The following RILPL1 variants were observed in gnomAD, a reference collection of about 807,000 sequenced individuals.
RILPL1 encodes the protein Rab interacting lysosomal protein like 1.
In RILPL1, 33 loss-of-function variants were observed where a neutral mutation model predicts 50.3. The ratio of observed to expected loss-of-function variants is 0.66; its 90% CI spans 0.50 to 0.88. The LOEUF is 0.88. Among genes scored for constraint, RILPL1 ranks in the 40% least tolerant of loss-of-function variants. The pLI is 0.00. For synonymous variants in RILPL1, 205 were observed against 228.6 expected, an observed-to-expected ratio of 0.90 and a Z score of 0.93; for missense variants, 418 against 542.5, an observed-to-expected ratio of 0.77 and a Z score of 2.28.
At chr12:123,530,759 G>A (rs1885416203) in intron 1 of RILPL1, among the ~76,000 whole-genome samples, 2 of 152,210 alleles carry the variant, frequency 1.3e-5, no homozygotes, top group Admixed American at 1.3e-4. Context: ...CCTGCTGCCT[G>A]ACATGAGACT....
intron 6 of RILPL1, chr12:123,475,473 C>A: frequency 1.7e-6 from 1 of 581,566 alleles, no homozygotes. Flanking sequence ...TCTGAGGCTT[C>A]GCTCGAGTAG....
Position 123,521,610 on chromosome 12 carries a change from CACATAT to C in RILPL1, c.460+1879_460+1884del, listed in dbSNP as rs1885030355. On this transcript the variant is annotated intron_variant, in intron 2 of 6. Transcript: ENST00000376874. ...GTATATATATATTAATATATATACA[CACATAT>C]GTGTATATATATACACACATATGTG... Among the ~76,000 whole-genome samples the C allele has an allele frequency of 2.0e-4, 8 of 39,972 alleles. 1 individual carries two copies. The highest frequency in any genetic ancestry group is 8.9e-4 in the African/African-American group (8 of 8,954). 26.2% of individuals were successfully genotyped at this position (39,972 alleles called of 152,430 possible).
intron 1 of RILPL1, among the ~76,000 whole-genome samples, chr12:123,532,874 G>A (rs910756971): frequency 1.3e-5 from 2 of 152,102 alleles, no homozygotes; most frequent in African/African-American, 4.8e-5. Context: ...ATTACCATTT[G>A]ACAGGTGAGG....
intron 4 of RILPL1, among the ~76,000 whole-genome samples, chr12:123,486,422 G>T (rs986829592): frequency 6.6e-6 from 1 of 152,122 alleles, no homozygotes; most frequent in African/African-American, 2.4e-5. Context: ...TAAGTCACCT[G>T]CCCCAGGTCA....
At chr12:123,499,696 G>A (rs542806875) in intron 2 of RILPL1, among the ~76,000 whole-genome samples, 160 bp from the exon 3 acceptor site, 83 of 152,054 alleles carry the variant, frequency 5.5e-4, no homozygotes, top group African/African-American at 1.9e-3. Flanking sequence ...GCCCTCCCCG[G>A]TGCCTGCTTT....
At chr12:123,476,476 C>T (rs1881599037) in intron 6 of RILPL1, among the ~76,000 whole-genome samples, 1 of 151,186 alleles carries the variant, frequency 6.6e-6, no homozygotes, top group Admixed American at 6.6e-5. Flanking sequence ...AGGGTCCTTA[C>T]AAATGTAACT....
At chr12:123,499,165 G>T (rs1187386450) in intron 3 of RILPL1, among the ~76,000 whole-genome samples, 2 of 152,224 alleles carry the variant, frequency 1.3e-5, no homozygotes, top group African/African-American at 4.8e-5. Context: ...AGCAAAGTCT[G>T]CCCAGGCCTC....
At chr12:123,512,188 GGTCT>G (rs1200338004) in intron 2 of RILPL1, among the ~76,000 whole-genome samples, 1 of 140,938 alleles carries the variant, frequency 7.1e-6, no homozygotes, top group African/African-American at 2.7e-5. Context: ...TGGTGTGTGA[GGTCT>G]GTGTGTGTGG....
intron 1 of RILPL1, among the ~76,000 whole-genome samples, chr12:123,529,297 A>AT (rs888474147): frequency 2.2e-4 from 33 of 149,974 alleles, no homozygotes; most frequent in East Asian, 1.4e-3. Flanking sequence ...TTATAAGCTG[A>AT]TTTTTTTTTT....
In RILPL1 at chr12:123,472,461, A is replaced by C; in HGVS notation, c.*77T>G. The C allele has an allele frequency of 6.7e-7, 1 of 1,494,536 alleles. No individual in the cohort carries two copies. The highest frequency in any genetic ancestry group is 9.1e-7 in the Non-Finnish European group (1 of 1,101,314). The allele number at this position is 1,494,536 out of a possible 1,614,324, so 92.6% of individuals were successfully genotyped here. A position where few individuals can be genotyped will look rare whatever the true frequency, so the allele number is the denominator to read the frequency against. Reference sequence around the variant, plus strand: ...TCTGCACCGAGAGGCTTGAGGCAGCAATGACCCCTGGGCTGCAGTTCGGTT... The same window carrying C: ...TCTGCACCGAGAGGCTTGAGGCAGCCATGACCCCTGGGCTGCAGTTCGGTT... On this transcript the variant is annotated 3_prime_UTR_variant, in exon 7 of 7. Transcript: ENST00000376874.
Position 123,485,531 on chromosome 12 carries a change from T to G in RILPL1, c.974+102A>C. The G allele has an allele frequency of 8.9e-7, 1 of 1,123,868 alleles. No homozygotes were observed. The highest frequency in any genetic ancestry group is 1.3e-6 in the Non-Finnish European group (1 of 782,488). The allele number at this position is 1,123,868 out of a possible 1,614,324, so 69.6% of individuals were successfully genotyped here. ...AGAGGGTACCCAAAAAAAACACTGA[T>G]GAAATGCTTGTCTTCCAGGGGGTAA... On this transcript the variant is annotated intron_variant, in intron 5 of 6. Coordinates refer to ENST00000376874, the MANE Select transcript of RILPL1 (RefSeq NM_178314.5). The surrounding 1 kb of genome is among the most constrained non-coding windows in gnomAD (Gnocchi z 4.0).
At chr12:123,529,580 A>ATT (rs35289859) in intron 1 of RILPL1, among the ~76,000 whole-genome samples, 6 of 145,126 alleles carry the variant, frequency 4.1e-5, no homozygotes, top group African/African-American at 1.0e-4. Context: ...CCCAGCCTGA[A>ATT]TTTTTTTTTT....
At chr12:123,494,143 G>A (rs565047289) in intron 4 of RILPL1, among the ~76,000 whole-genome samples, 1 of 152,168 alleles carries the variant, frequency 6.6e-6, no homozygotes. Flanking sequence ...CTCTCTCCCA[G>A]CTGCGCGAAA....
At chr12:123,478,050 G>A (rs1212890895) in intron 6 of RILPL1, among the ~76,000 whole-genome samples, 1 of 140,504 alleles carries the variant, frequency 7.1e-6, no homozygotes, top group Non-Finnish European at 1.5e-5. Context: ...CAGCTGGAGT[G>A]CAGTGGTGCA....
chr12:123,524,459 A>G (rs1885177388), intron 1 of RILPL1, among the ~76,000 whole-genome samples: 1 of 152,142 alleles, frequency 6.6e-6, no homozygotes, highest in Non-Finnish European at 1.5e-5. Flanking sequence ...GTATGAACAC[A>G]ATGTCCACAT....
intron 4 of RILPL1, among the ~76,000 whole-genome samples, chr12:123,495,505 G>C (rs545892148): frequency 4.8e-4 from 72 of 150,772 alleles, no homozygotes; most frequent in African/African-American, 1.5e-3. Flanking sequence ...CTCCCGAGTA[G>C]CTGGGACTAC....
intron 6 of RILPL1, among the ~76,000 whole-genome samples, chr12:123,480,388 T>C (rs967574279): frequency 6.6e-6 from 1 of 151,982 alleles, no homozygotes; most frequent in Non-Finnish European, 1.5e-5. Context: ...GGTCTCGAAC[T>C]CCTGACCTTG....
intron 2 of RILPL1, among the ~76,000 whole-genome samples, chr12:123,502,651 T>A (rs1883469451): frequency 6.6e-6 from 1 of 150,534 alleles, no homozygotes; most frequent in Non-Finnish European, 1.5e-5. Flanking sequence ...CTGGGCCCCA[T>A]ATGGTGCCTG....
chr12:123,532,293 C>T (rs1464425327), intron 1 of RILPL1, among the ~76,000 whole-genome samples: 1 of 152,230 alleles, frequency 6.6e-6, no homozygotes, highest in African/African-American at 2.4e-5. Context: ...ATGTCTTTCA[C>T]TTCCTTTTCT....
Sources: allele counts gnomAD v4.1 joint callset (sites outside exome capture counted in the v4.1 genomes callset), GRCh38; gene constraint gnomAD v4.1.1; non-coding constraint Gnocchi (gnomAD v3.1); transcripts MANE v1.5; gene names NCBI Gene and HGNC (gene_info 2026-07-23, HGNC 2026-07-21).